The following CSMD1 variants were observed in gnomAD, a reference collection of about 807,000 sequenced individuals.
CSMD1 encodes CUB and Sushi multiple domains 1, also known as CUB and sushi domain-containing protein 1.
A neutral mutation model predicts 417.5 loss-of-function variants in CSMD1; 213 were observed. That is an observed-to-expected ratio of 0.51 (90% CI 0.46 to 0.57). The LOEUF (loss-of-function observed/expected upper bound fraction) is 0.57. Ranked by LOEUF, CSMD1 falls within the 20% of genes least tolerant of loss-of-function variation. CSMD1 has a pLI of 0.00. For missense variants in CSMD1, 6,923 were observed against 4,529.7 expected, an observed-to-expected ratio of 1.53 and a Z score of -15.17; for synonymous variants, 2,862 against 1,736.8, an observed-to-expected ratio of 1.65 and a Z score of -16.11.
intron 1 of CSMD1, among the ~76,000 whole-genome samples, chr8:4,780,247 A>C (rs1797084646): frequency 6.6e-6 from 1 of 152,214 alleles, no homozygotes; most frequent in Non-Finnish European, 1.5e-5. Flanking sequence ...GACTGCCCTG[A>C]AGGTGTGCAG....
intron 23 of CSMD1, 149 bp from the exon 24 acceptor site, chr8:3,308,652 G>A (rs1805081087): frequency 1.6e-6 from 1 of 616,126 alleles, no homozygotes; most frequent in Non-Finnish European, 2.8e-6. Flanking sequence ...AAAGAAAGAT[G>A]GGTCTGTACT....
rs1171559877 is a variant in CSMD1 at position 3,114,441 on chromosome 8, A to G, written c.6430+3958T>C. Among the ~76,000 whole-genome samples, 25 of 149,362 alleles carry G rather than the reference A, an allele frequency of 1.7e-4. No homozygotes were observed. In the Admixed American group the frequency reaches 1.7e-3, roughly 10 times the overall value. ...ATATGAATATAAAAATATAATAAAT[A>G]TGTTATAATATATATATTAATATAA... On this transcript the variant is annotated intron_variant, in intron 42 of 69. Transcript: ENST00000635120.
intron 1 of CSMD1, among the ~76,000 whole-genome samples, chr8:4,697,614 A>G (rs555342579): frequency 9.7e-4 from 148 of 152,196 alleles, no homozygotes; most frequent in Non-Finnish European, 5.6e-4. Flanking sequence ...TAAGTTCAAC[A>G]TTATAAGGCC....
At chr8:3,467,494 C>T (rs1298408681) in intron 12 of CSMD1, among the ~76,000 whole-genome samples, 1 of 152,202 alleles carries the variant, frequency 6.6e-6, no homozygotes, top group Non-Finnish European at 1.5e-5. Flanking sequence ...TCAGCAGTTG[C>T]CTCTGCATTC....
At chr8:3,976,467 G>C (rs543750717) in intron 5 of CSMD1, among the ~76,000 whole-genome samples, 15 of 152,040 alleles carry the variant, frequency 9.9e-5, no homozygotes, top group African/African-American at 3.6e-4. Context: ...GCTGTCTCCC[G>C]GGTCTAGAAG....
At chr8:3,574,385 T>G (rs1800061519) in intron 10 of CSMD1, among the ~76,000 whole-genome samples, 3 of 152,124 alleles carry the variant, frequency 2.0e-5, no homozygotes, top group Admixed American at 6.5e-5. Context: ...GGATGACAGG[T>G]GCCTGCCACC....
At chr8:3,536,744 A>G (rs752097140) in intron 10 of CSMD1, among the ~76,000 whole-genome samples, 7 of 152,102 alleles carry the variant, frequency 4.6e-5, no homozygotes, top group African/African-American at 9.7e-5. Context: ...AGGAGCCCCA[A>G]TACCCAAAAG....
At chr8:3,145,043 T>TTGTGTGTGTG (rs34827109) in intron 40 of CSMD1, among the ~76,000 whole-genome samples, 2,235 of 146,720 alleles carry the variant, frequency 0.015, 37 homozygotes, top group African/African-American at 0.043. Flanking sequence ...GAGTAAAGAG[T>TTGTGTGTGTG]TGTGTGTGTG....
At chr8:3,599,125 C>CTGTGTGTGTG (rs143211609) in intron 8 of CSMD1, among the ~76,000 whole-genome samples, 198 of 144,590 alleles carry the variant, frequency 1.4e-3, no homozygotes, top group African/African-American at 5.0e-3. Flanking sequence ...TTGCTTACTG[C>CTGTGTGTGTG]TGTGTGTGTG....
rs370428482 is a variant in CSMD1, at chr8:3,380,786, A to G, written c.2782+6708T>C. Among the ~76,000 whole-genome samples, 3 of 152,082 alleles carry G rather than the reference A, an allele frequency of 2.0e-5. No homozygotes were observed. The East Asian group carries it at 5.8e-4, about 29-fold the overall frequency. ...GGCATAGCATTAGAAGAAATACCTA[A>G]TGTAGATGATGGGTTGTTGGGTGCA... On this transcript the variant is annotated intron_variant, in intron 18 of 69. Coordinates refer to ENST00000635120, the MANE Select transcript of CSMD1 (RefSeq NM_033225.6).
intron 41 of CSMD1, among the ~76,000 whole-genome samples, chr8:3,140,123 C>G (rs142091172): frequency 2.0e-5 from 3 of 152,256 alleles, no homozygotes; most frequent in African/African-American, 7.2e-5. Flanking sequence ...AGGTTGGTCT[C>G]AAACTCCTGA....
intron 10 of CSMD1, among the ~76,000 whole-genome samples, chr8:3,535,610 ATGT>A (rs1300958883): frequency 2.0e-5 from 3 of 152,212 alleles, no homozygotes; most frequent in Non-Finnish European, 4.4e-5. Context: ...AATGGGTATA[ATGT>A]ACCTTATTCA....
chr8:4,929,503 G>A (rs1048138633), intron 1 of CSMD1, among the ~76,000 whole-genome samples: 1 of 152,078 alleles, frequency 6.6e-6, no homozygotes, highest in African/African-American at 2.4e-5. Context: ...GATATTTCAG[G>A]GAACTCCTGT....
chr8:2,973,335 G>A, intron 56 of CSMD1, 36 bp from the exon 57 acceptor site: 2 of 1,592,954 alleles, frequency 1.3e-6, no homozygotes, highest in Non-Finnish European at 1.7e-6. Flanking sequence ...ATCCACAATT[G>A]TGTTAGACTT....
chr8:3,866,120 G>A (rs35916369), intron 5 of CSMD1, among the ~76,000 whole-genome samples: 12,197 of 152,166 alleles, frequency 0.08, 551 homozygotes, highest in South Asian at 0.15. Flanking sequence ...TATTCCATAT[G>A]TAAGTGTTTA....
intron 1 of CSMD1, among the ~76,000 whole-genome samples, chr8:4,878,723 A>G (rs1803204380): frequency 6.6e-6 from 1 of 151,992 alleles, no homozygotes; most frequent in African/African-American, 2.4e-5. Context: ...AATGGCACCC[A>G]GCAGTATCTT....
rs117778821 is a variant in CSMD1 at position 3,427,383 on chromosome 8, C to A, written c.1562-17778G>T. Among the ~76,000 whole-genome samples the A allele has an allele frequency of 3.7e-3, 561 of 152,186 alleles. 1 individual carries two copies. Among genetic ancestry groups the A allele is most frequent in the South Asian group, 0.02 (97 of 4,816 alleles). ...AAAACTTCTCATAAAAAGATGGTCC[C>A]TGTCTCCTATTTAATAATAACTAAT... On this transcript the variant is annotated intron_variant, in intron 12 of 69. Transcript: ENST00000635120.
intron 3 of CSMD1, among the ~76,000 whole-genome samples, chr8:4,045,780 A>G (rs1380658683): frequency 6.6e-6 from 1 of 152,240 alleles, no homozygotes; most frequent in Non-Finnish European, 1.5e-5. Context: ...TACACACTTT[A>G]AAGCTATTTC....
chr8:4,687,773 C>T (rs1158084237), intron 1 of CSMD1, among the ~76,000 whole-genome samples: 1 of 152,050 alleles, frequency 6.6e-6, no homozygotes, highest in Non-Finnish European at 1.5e-5. Flanking sequence ...TTGTCACCCT[C>T]CTTCACTAAT....
Sources: allele counts gnomAD v4.1 joint callset (sites outside exome capture counted in the v4.1 genomes callset), GRCh38; gene constraint gnomAD v4.1.1; transcripts MANE v1.5; gene names NCBI Gene and HGNC (gene_info 2026-07-23, HGNC 2026-07-21).